GLB1L3: variants seen among roughly 807,000 people sequenced by gnomAD.
GLB1L3 encodes the protein beta-galactosidase-1-like protein 3.
A neutral mutation model predicts 89.5 loss-of-function variants in GLB1L3; 89 were observed. The observed-to-expected ratio is 0.99, with a 90% CI of 0.84 to 1.19. GLB1L3 has a LOEUF of 1.19. GLB1L3 is among the 50% of genes most tolerant of loss of function. The probability of loss-of-function intolerance (pLI) is 0.00; values close to 1 mark genes in which losing one functional copy is unlikely to be tolerated. For synonymous variants in GLB1L3, 314 were observed against 312.3 expected (o/e 1.01, Z -0.06); for missense variants, 812 against 813.3 (o/e 1.00, Z 0.02).
At position 134,281,554 on chromosome 11, in the gene GLB1L3, T is replaced by A; in HGVS notation, c.431+109T>A. On this transcript the variant is annotated intron_variant, in intron 4 of 19. Coordinates refer to ENST00000431683, the MANE Select transcript of GLB1L3 (RefSeq NM_001080407.3). ...ACCAGGGAGGGACGTGGGTCTGGAG[T>A]CCTGTTCTAGGACTGTGAGAGGCCC... 3.5e-6 allele frequency: 4 copies of A among 1,154,346 alleles called. No individual in the cohort carries two copies. The South Asian group carries it at 4.9e-5, about 14-fold the overall frequency. The allele number at this position is 1,154,346 out of a possible 1,614,324, so 71.5% of individuals were successfully genotyped here.
chr11:134,286,236 T>C (rs1319907744), intron 6 of GLB1L3, among the ~76,000 whole-genome samples: 1 of 152,028 alleles, frequency 6.6e-6, no homozygotes, highest in Non-Finnish European at 1.5e-5. Context: ...AGGATAATTA[T>C]AAAGAGAAGA....
At chr11:134,310,351 G>A (rs1591585440) in intron 11 of GLB1L3, 1 of 551,342 alleles carries the variant, frequency 1.8e-6, no homozygotes, top group Non-Finnish European at 3.2e-6. Context: ...AAGAAGTGGG[G>A]GCAAGCCCAG....
chr11:134,312,123 G>T, intron 13 of GLB1L3: 1 of 546,188 alleles, frequency 1.8e-6, no homozygotes, highest in Non-Finnish European at 3.2e-6. Flanking sequence ...CAGTTCTTAG[G>T]ATTATAACGA....
In GLB1L3 at chr11:134,293,137, T is replaced by C; in HGVS notation, c.812-8T>C. On this transcript the variant is annotated splice_polypyrimidine_tract_variant and splice_region_variant and intron_variant, in intron 8 of 19. Coordinates refer to ENST00000431683, the MANE Select transcript of GLB1L3 (RefSeq NM_001080407.3). Reference sequence around the variant, plus strand: ...TGCCTCAGCTGGGTCTCTCTCTTCTTTATGCAGTGTTGGCCGCCATCAATT... The same window carrying C: ...TGCCTCAGCTGGGTCTCTCTCTTCTCTATGCAGTGTTGGCCGCCATCAATT... The C allele has an allele frequency of 1.9e-6, 3 of 1,613,144 alleles. No homozygotes were observed. The highest frequency in any genetic ancestry group is 2.5e-6 in the Non-Finnish European group (3 of 1,179,168).
chr11:134,284,285 A>AT (rs1388317959), intron 6 of GLB1L3, among the ~76,000 whole-genome samples: 2 of 152,092 alleles, frequency 1.3e-5, no homozygotes, highest in Non-Finnish European at 2.9e-5. Flanking sequence ...CTTTTTAGAG[A>AT]TTTTATCAGC....
intron 15 of GLB1L3, 57 bp from the exon 16 acceptor site, chr11:134,313,339 G>A: frequency 7.2e-7 from 1 of 1,396,240 alleles, no homozygotes; most frequent in African/African-American, 1.4e-5. Flanking sequence ...AAAACGGGTT[G>A]TCGGGTAGAC....
chr11:134,285,879 C>A (rs1332553173), intron 6 of GLB1L3, among the ~76,000 whole-genome samples: 2 of 149,782 alleles, frequency 1.3e-5, no homozygotes, highest in Admixed American at 1.3e-4. Context: ...GCCTTTGTAA[C>A]TAATTTGGAA....
chr11:134,291,205 C>T (rs1027111829), intron 7 of GLB1L3, among the ~76,000 whole-genome samples: 4 of 151,800 alleles, frequency 2.6e-5, no homozygotes, highest in Admixed American at 6.6e-5. Flanking sequence ...CAAAATCGGT[C>T]GGTGTTCAAG....
At position 134,312,332 on chromosome 11, in the gene GLB1L3, G is replaced by T. The variant is rs1269555421; in HGVS notation, c.1288-17G>T. 3 of 1,612,378 alleles carry T rather than the reference G, an allele frequency of 1.9e-6. No individual in the cohort carries two copies. Among genetic ancestry groups the T allele is most frequent in the Non-Finnish European group, 1.7e-6 (2 of 1,179,482 alleles). On this transcript the variant is annotated splice_polypyrimidine_tract_variant and intron_variant, in intron 13 of 19. Transcript: ENST00000431683. ...GCTCAGCCCTTGGACTTCTGCTCTT[G>T]CCATTTCTCCTCATAGCCAGTCAGG...
chr11:134,296,792 G>T (rs912896197), intron 9 of GLB1L3, among the ~76,000 whole-genome samples: 10 of 150,318 alleles, frequency 6.7e-5, no homozygotes, highest in African/African-American at 2.4e-4. Context: ...GTATACATAT[G>T]TAACTAACCT....
chr11:134,278,051 T>G, intron 3 of GLB1L3, 139 bp downstream of exon 3: 1 of 779,420 alleles, frequency 1.3e-6, no homozygotes, highest in South Asian at 1.6e-5. Flanking sequence ...CATTTAATGC[T>G]TAAGCGTCCA....
At chr11:134,285,843 T>C (rs2136123526) in intron 6 of GLB1L3, among the ~76,000 whole-genome samples, 1 of 151,492 alleles carries the variant, frequency 6.6e-6, no homozygotes, top group Non-Finnish European at 1.5e-5. Flanking sequence ...TGTTTGGGAG[T>C]AAATATGGCA....
At chr11:134,308,326 CCATCACCATCACCAT>C (rs1942394848) in intron 10 of GLB1L3, among the ~76,000 whole-genome samples, 1 of 54,564 alleles carries the variant, frequency 1.8e-5, no homozygotes, top group Non-Finnish European at 3.7e-5. Flanking sequence ...ACCACCATCA[CCATCACCATCACCAT>C]CATCACCATC....
intron 3 of GLB1L3, 103 bp downstream of exon 3, chr11:134,278,015 T>C (rs562538601): frequency 7.7e-6 from 8 of 1,037,522 alleles, no homozygotes; most frequent in South Asian, 7.0e-5. Context: ...AGGACTTACC[T>C]TCCGCACAGT....
In GLB1L3 at chr11:134,288,831, G is replaced by A. The variant is rs1565395356; in HGVS notation, c.670G>A (p.Val224Met). ...GGCAGGCCCTGTCATCGCGGTGCAA[G>A]TGGAGAATGAGTATGGCTCATTCAA... ...RQAGPVIAVQ[V>M]ENEYGSFNKD... Residue 224 changes from valine (V) to methionine (M), a missense_variant, in exon 7 of 20, where the codon GTG becomes ATG. Physicochemically the swap from Val to Met is conservative, Grantham distance 21. Transcript: ENST00000431683. 1 of 1,613,596 alleles carries A rather than the reference G, an allele frequency of 6.2e-7. No individual in the cohort carries two copies. The highest frequency in any genetic ancestry group is 8.5e-7 in the Non-Finnish European group (1 of 1,179,724).
At chr11:134,287,353 C>T (rs951910446) in intron 6 of GLB1L3, 2 of 152,192 alleles carry the variant, frequency 1.3e-5, no homozygotes, top group Non-Finnish European at 2.9e-5. Flanking sequence ...TGCCCCATAC[C>T]TCGCATACCT....
At chr11:134,323,855 G>A (rs777299946), downstream of GLB1L3, among the ~76,000 whole-genome samples, 12 of 152,006 alleles carry the variant, frequency 7.9e-5, no homozygotes, top group Non-Finnish European at 1.6e-4. Flanking sequence ...CTTTCTGAAC[G>A]TCTTGCATAA....
intron 9 of GLB1L3, chr11:134,305,131 C>G (rs541852024): frequency 3.1e-4 from 475 of 1,538,152 alleles, no homozygotes; most frequent in Non-Finnish European, 3.3e-4. Flanking sequence ...AGTATAGATG[C>G]AGGACTGCTC....
rs1011498916 is a variant in GLB1L3 at position 134,283,781 on chromosome 11, A to C, written c.572A>C (p.Lys191Thr). The C allele has an allele frequency of 2.5e-6, 4 of 1,613,252 alleles. No individual in the cohort carries two copies. Among genetic ancestry groups the C allele is most frequent in the Non-Finnish European group, 3.4e-6 (4 of 1,179,622 alleles). The change falls in exon 6 of 20, where the codon AAG becomes ACG. Residue 191 changes from lysine (K) to threonine (T), a missense_variant. Lys to Thr is a moderately conservative substitution (Grantham distance 78, BLOSUM62 -1). Transcript: ENST00000431683. ...CGGTTACTGTTGAGGACAACCAACA[A>C]GAGCTTCATTGAAGCAGTTGAGAAG... ...DPRLLLRTTN[K>T]SFIEAVEKYF... is the part of the protein sequence containing the mutation.
Sources: allele counts gnomAD v4.1 joint callset (sites outside exome capture counted in the v4.1 genomes callset), GRCh38; gene constraint gnomAD v4.1.1; transcripts MANE v1.5; gene names NCBI Gene and HGNC (gene_info 2026-07-23, HGNC 2026-07-21).